The following SLC35F1 variants were observed in gnomAD, a reference collection of about 807,000 sequenced individuals.
SLC35F1 encodes chromosome 6 open reading frame 169.
SLC35F1 carries 14 observed loss-of-function variants against 48.7 expected under a neutral mutation model. That is an observed-to-expected ratio of 0.29 (90% confidence interval 0.19 to 0.45). The LOEUF (loss-of-function observed/expected upper bound fraction) is 0.45. Ranked by LOEUF, SLC35F1 falls within the 20% of genes least tolerant of loss-of-function variation. The pLI is 1.00. For synonymous variants in SLC35F1, 190 were observed against 202.2 expected, an observed-to-expected ratio of 0.94 and a Z score of 0.51; for missense variants, 404 against 500.0, an observed-to-expected ratio of 0.81 and a Z score of 1.83.
chr6:118,231,160 A>T (rs1775288615), intron 2 of SLC35F1, among the ~76,000 whole-genome samples: 1 of 152,186 alleles, frequency 6.6e-6, no homozygotes, highest in Non-Finnish European at 1.5e-5. Flanking sequence ...ACATTTATTA[A>T]ATCAGGGAGG....
chr6:118,007,411 T>G (rs1463048045), intron 1 of SLC35F1, among the ~76,000 whole-genome samples: 1 of 152,164 alleles, frequency 6.6e-6, no homozygotes, highest in Non-Finnish European at 1.5e-5. Context: ...TGCCGGACAT[T>G]GTGCTAGGCA....
chr6:118,290,510 T>G (rs1319393107), intron 7 of SLC35F1, among the ~76,000 whole-genome samples: 1 of 149,392 alleles, frequency 6.7e-6, no homozygotes, highest in Non-Finnish European at 1.5e-5. Flanking sequence ...ATATTTAGTA[T>G]CTGCAAAAAA....
At chr6:118,124,974 C>G (rs1204994017) in intron 1 of SLC35F1, among the ~76,000 whole-genome samples, 1 of 152,052 alleles carries the variant, frequency 6.6e-6, no homozygotes, top group African/African-American at 2.4e-5. Context: ...ACTCAATCAC[C>G]CAGGAGCCAT....
In SLC35F1 at chr6:118,316,562, TA is replaced by T. The variant is rs1209520452; in HGVS notation, c.*2312del. 2 of 152,672 alleles carry T rather than the reference TA, an allele frequency of 1.3e-5. No homozygotes were observed. Among genetic ancestry groups the T allele is most frequent in the Admixed American group, 6.5e-5 (1 of 15,292 alleles). 9.5% of individuals were successfully genotyped at this position (152,672 alleles called of 1,614,324 possible). On this transcript the variant is annotated 3_prime_UTR_variant, in exon 8 of 8. Transcript: ENST00000360388. ...CATCTTTGATTCATTTTTATGACAT[TA>T]ATTTGTAGACACTTAGTAAAGTCTT...
intron 1 of SLC35F1, among the ~76,000 whole-genome samples, chr6:117,945,417 C>T (rs1055564943): frequency 6.6e-5 from 10 of 152,178 alleles, no homozygotes; most frequent in Admixed American, 5.2e-4. Context: ...TAATCCCCAT[C>T]CTGCAAGGTG....
intron 1 of SLC35F1, among the ~76,000 whole-genome samples, chr6:117,933,000 A>G (rs146048306): frequency 1.3e-5 from 2 of 152,356 alleles, no homozygotes; most frequent in Non-Finnish European, 2.9e-5. Context: ...TGTAAGGATA[A>G]GCTCACAACT....
chr6:118,223,833 A>G (rs1775182099), intron 2 of SLC35F1, among the ~76,000 whole-genome samples: 1 of 152,192 alleles, frequency 6.6e-6, no homozygotes, highest in Non-Finnish European at 1.5e-5. Context: ...GCAGGCTGGC[A>G]CCTTCTGTCA....
intron 1 of SLC35F1, among the ~76,000 whole-genome samples, chr6:118,050,005 C>T (rs1266063448): frequency 2.6e-5 from 4 of 152,064 alleles, no homozygotes; most frequent in Non-Finnish European, 4.4e-5. Flanking sequence ...GAAAATGTGG[C>T]ACATATACAC....
chr6:118,071,001 TATATATACAC>T (rs1436710652), intron 1 of SLC35F1, among the ~76,000 whole-genome samples: 1 of 14,524 alleles, frequency 6.9e-5, no homozygotes, highest in African/African-American at 2.0e-4. Flanking sequence ...CGTGTGTGTA[TATATATACAC>T]GTAGTATATA....
intron 3 of SLC35F1, among the ~76,000 whole-genome samples, chr6:118,256,210 GT>G: frequency 1.2e-4 from 2 of 17,298 alleles, no homozygotes; most frequent in South Asian, 2.4e-3. Flanking sequence ...CTTCTGGTGT[GT>G]GTGTGTGTGT....
At chr6:118,171,073 G>A (rs528708438) in intron 2 of SLC35F1, among the ~76,000 whole-genome samples, 1 of 152,092 alleles carries the variant, frequency 6.6e-6, no homozygotes, top group African/African-American at 2.4e-5. Context: ...GTCTCTCTCT[G>A]TCACCCAAGC....
intron 2 of SLC35F1, among the ~76,000 whole-genome samples, chr6:118,175,455 T>G (rs552195357): frequency 6.6e-6 from 1 of 152,226 alleles, no homozygotes; most frequent in South Asian, 2.1e-4. Flanking sequence ...ATCAGAAACT[T>G]TGTAATCAAA....
intron 1 of SLC35F1, among the ~76,000 whole-genome samples, chr6:117,918,868 G>C (rs965252566): frequency 6.6e-6 from 1 of 152,006 alleles, no homozygotes; most frequent in Non-Finnish European, 1.5e-5. Context: ...GTATGAGAGA[G>C]AGAGAAGAGG....
At chr6:118,160,301 C>G (rs1223433045) in intron 2 of SLC35F1, among the ~76,000 whole-genome samples, 1 of 152,176 alleles carries the variant, frequency 6.6e-6, no homozygotes, top group African/African-American at 2.4e-5. Context: ...AGTGTTCTTA[C>G]GAGCTCTTCC....
At chr6:118,310,164 A>G (rs997476166) in intron 7 of SLC35F1, among the ~76,000 whole-genome samples, 1 of 152,204 alleles carries the variant, frequency 6.6e-6, no homozygotes, top group African/African-American at 2.4e-5. Flanking sequence ...TTTGCAAAGG[A>G]GAAGACCTCC....
intron 7 of SLC35F1, among the ~76,000 whole-genome samples, chr6:118,290,558 TA>T (rs560908426): frequency 5.0e-4 from 75 of 150,634 alleles, no homozygotes; most frequent in Non-Finnish European, 7.8e-4. Flanking sequence ...ATCCAAAAAT[TA>T]AAAAAAAAAT....
intron 2 of SLC35F1, among the ~76,000 whole-genome samples, chr6:118,181,270 G>C (rs545436954): frequency 6.6e-6 from 1 of 152,190 alleles, no homozygotes; most frequent in South Asian, 2.1e-4. Flanking sequence ...TGTTTTGTTT[G>C]TGAGGTATGA....
At chr6:118,156,163 C>T (rs1774137158) in intron 2 of SLC35F1, among the ~76,000 whole-genome samples, 5 of 151,862 alleles carry the variant, frequency 3.3e-5, no homozygotes, top group Admixed American at 1.3e-4. Context: ...CGTTGAATCT[C>T]AGCTATGTTT....
At chr6:117,983,485 G>A (rs1261777550) in intron 1 of SLC35F1, among the ~76,000 whole-genome samples, 1 of 152,186 alleles carries the variant, frequency 6.6e-6, no homozygotes, top group African/African-American at 2.4e-5. Flanking sequence ...GCTGAGGCAG[G>A]AGAATCACTT....
Sources: gnomAD v4.1 joint callset for allele counts (sites outside exome capture counted in the v4.1 genomes callset) on GRCh38, gnomAD v4.1.1 for gene constraint, MANE v1.5 for transcripts, NCBI Gene and HGNC (gene_info 2026-07-23, HGNC 2026-07-21) for gene names.